Variants in ADO observed in about 807,000 individuals in gnomAD.
ADO encodes the protein 2-aminoethanethiol (cysteamine) dioxygenase.
A neutral mutation model predicts 16.6 loss-of-function variants in ADO; 9 were observed. The observed-to-expected ratio is 0.54, with a 90% CI of 0.33 to 0.95. The LOEUF (loss-of-function observed/expected upper bound fraction) is 0.95. Ranked by LOEUF, ADO falls within the 40% of genes least tolerant of loss-of-function variation. The probability of loss-of-function intolerance (pLI) is 0.03; values close to 1 mark genes in which losing one functional copy is unlikely to be tolerated. For synonymous variants in ADO, 189 were observed against 179.6 expected, an observed-to-expected ratio of 1.05 and a Z score of -0.42; for missense variants, 356 against 386.4, an observed-to-expected ratio of 0.92 and a Z score of 0.66.
rs1199083187 is a variant in ADO at position 62,805,887 on chromosome 10, A to G, written c.*15A>G. The G allele has an allele frequency of 6.8e-7, 1 of 1,475,240 alleles. No individual in the cohort carries two copies. The highest frequency in any genetic ancestry group is 1.4e-5 in the South Asian group (1 of 73,158). 91.4% of individuals were successfully genotyped at this position (1,475,240 alleles called of 1,614,324 possible). On this transcript the variant is annotated 3_prime_UTR_variant, in exon 1 of 1. Coordinates refer to ENST00000373783, the MANE Select transcript of ADO (RefSeq NM_032804.6). This position sits in a 1 kb window ranked among gnomAD's most constrained non-coding sequence, Gnocchi z 6.4. ...TCTTCCCTTGAAGCCACTGGCGCCC[A>G]GGAGCGGTGGGCCGAAGACGTGCCC... is the stretch of plus-strand genomic sequence containing the variant.
At position 62,806,843 on chromosome 10, in the gene ADO, A is replaced by G. The variant is rs1316890887; in HGVS notation, c.*971A>G. Reference sequence around the variant, plus strand: ...CATTCCCTATATTTATTTACTTCCAATATTTTACTGTAAAAGTAGGGAGAA... The same window carrying G: ...CATTCCCTATATTTATTTACTTCCAGTATTTTACTGTAAAAGTAGGGAGAA... On this transcript the variant is annotated 3_prime_UTR_variant, in exon 1 of 1. Transcript: ENST00000373783. The G allele has an allele frequency of 2.4e-5, 4 of 167,170 alleles. No homozygotes were observed. The highest frequency in any genetic ancestry group is 4.4e-5 in the Non-Finnish European group (3 of 68,108). 10.4% of individuals were successfully genotyped at this position (167,170 alleles called of 1,614,324 possible). A position where few individuals can be genotyped will look rare whatever the true frequency, so the allele number is the denominator to read the frequency against.
At position 62,805,326 on chromosome 10, in the gene ADO, C is replaced by T. The variant is rs753546467; in HGVS notation, c.267C>T (p.His89=). ...PPNLPPVTYM[H]IYETDGFSLG... Reference sequence around the variant, plus strand: ...ACCTGCCGCCAGTCACCTACATGCACATCTACGAGACGGACGGCTTCAGCC... The same window carrying T: ...ACCTGCCGCCAGTCACCTACATGCATATCTACGAGACGGACGGCTTCAGCC... Residue 89 remains histidine, a synonymous_variant, in exon 1 of 1, where the codon CAC becomes CAT. Transcript: ENST00000373783. The surrounding 1 kb of genome is among the most constrained non-coding windows in gnomAD (Gnocchi z 6.4). 2 of 1,604,144 alleles carry T rather than the reference C, an allele frequency of 1.2e-6. No homozygotes were observed. Among genetic ancestry groups the T allele is most frequent in the Non-Finnish European group, 1.7e-6 (2 of 1,179,122 alleles).
At position 62,807,908 on chromosome 10, in the gene ADO, AT is replaced by A. The variant is rs575265000; in HGVS notation, c.*2038del. ...GCAAAAAGTTGATTAGCTTACCAAG[AT>A]TATTAATAGCAATGTATGTGTTATA... On this transcript the variant is annotated 3_prime_UTR_variant, in exon 1 of 1. Transcript: ENST00000373783. The A allele has an allele frequency of 7.8e-4, 131 of 167,308 alleles. 1 individual carries two copies. The highest frequency in any genetic ancestry group is 3.1e-3 in the African/African-American group (127 of 41,582). 10.4% of individuals were successfully genotyped at this position (167,308 alleles called of 1,614,324 possible). A position where few individuals can be genotyped will look rare whatever the true frequency, so the allele number is the denominator to read the frequency against.
chr10:62,806,551 A>G lies in ADO; in HGVS notation c.*679A>G, dbSNP rs1483443640. 6.0e-6 allele frequency: 1 copy of G among 167,258 alleles called. No individual in the cohort carries two copies. The highest frequency in any genetic ancestry group is 1.9e-4 in the East Asian group (1 of 5,340). 10.4% of individuals were successfully genotyped at this position (167,258 alleles called of 1,614,324 possible). ...TTTACTCAGGCAGCATCTACTAAGA[A>G]ATTCAGCACCTGCATATCTCTGTGA... On this transcript the variant is annotated 3_prime_UTR_variant, in exon 1 of 1. Transcript: ENST00000373783.
chr10:62,804,936 G>C lies in ADO; in HGVS notation c.-124G>C, dbSNP rs1339590916. The C allele has an allele frequency of 1.1e-6, 1 of 921,788 alleles. No individual in the cohort carries two copies. The highest frequency in any genetic ancestry group is 1.4e-6 in the Non-Finnish European group (1 of 706,330). The allele number at this position is 921,788 out of a possible 1,614,324, so 57.1% of individuals were successfully genotyped here. A position where few individuals can be genotyped will look rare whatever the true frequency, so the allele number is the denominator to read the frequency against. ...TTGGCGGCGGTGCCGCGCGCCCGAC[G>C]GGCCGGTGGTTGCGGGGCCTCCCGC... On this transcript the variant is annotated 5_prime_UTR_variant, in exon 1 of 1. Coordinates refer to ENST00000373783, the MANE Select transcript of ADO (RefSeq NM_032804.6).
In ADO at chr10:62,807,851, A is replaced by G. The variant is rs1183099603; in HGVS notation, c.*1979A>G. ...CCATAGCACAGTAATGAATGTGGTT[A>G]TCAATCACATACTTTTTTGGATTAT... On this transcript the variant is annotated 3_prime_UTR_variant, in exon 1 of 1. Transcript: ENST00000373783. 6.0e-6 allele frequency: 1 copy of G among 167,326 alleles called. No homozygotes were observed. Among genetic ancestry groups the G allele is most frequent in the South Asian group, 2.1e-4 (1 of 4,828 alleles). The allele number at this position is 167,326 out of a possible 1,614,324, so 10.4% of individuals were successfully genotyped here.
In ADO at chr10:62,805,423, A is replaced by C. The variant is rs1201369022; in HGVS notation, c.364A>C (p.Lys122Gln). The C allele has an allele frequency of 1.3e-6, 2 of 1,573,182 alleles. No homozygotes were observed. The highest frequency in any genetic ancestry group is 1.1e-5 in the South Asian group (1 of 87,206). ...HDHPGMHGML[K>Q]VLYGTVRISC... ...CCACCCGGGCATGCACGGCATGCTCAAGGTGCTGTACGGCACCGTGCGCAT... is the reference window on the plus strand; with the variant it reads ...CCACCCGGGCATGCACGGCATGCTCCAGGTGCTGTACGGCACCGTGCGCAT... Residue 122 changes from lysine to glutamine, a missense_variant, in exon 1 of 1, where the codon AAG (lysine) becomes CAG (glutamine). By Grantham distance (53) the Lys-to-Gln change is moderately conservative. Coordinates refer to ENST00000373783, the MANE Select transcript of ADO (RefSeq NM_032804.6). The surrounding 1 kb of genome is among the most constrained non-coding windows in gnomAD (Gnocchi z 6.4).
rs1053130117 is a variant in ADO at position 62,804,929 on chromosome 10, G to A, written c.-131G>A. The A allele has an allele frequency of 4.7e-6, 4 of 853,640 alleles. No individual in the cohort carries two copies. The highest frequency in any genetic ancestry group is 1.5e-6 in the Non-Finnish European group (1 of 646,174). 52.9% of individuals were successfully genotyped at this position (853,640 alleles called of 1,614,324 possible). ...GCTGAGGTTGGCGGCGGTGCCGCGCGCCCGACGGGCCGGTGGTTGCGGGGC... is the reference window on the plus strand; with the variant it reads ...GCTGAGGTTGGCGGCGGTGCCGCGCACCCGACGGGCCGGTGGTTGCGGGGC... On this transcript the variant is annotated 5_prime_UTR_variant, in exon 1 of 1. Coordinates refer to ENST00000373783, the MANE Select transcript of ADO (RefSeq NM_032804.6).
Position 62,804,815 on chromosome 10 carries a change from C to G in ADO, c.-245C>G, listed in dbSNP as rs1388354379. 3.7e-6 allele frequency: 1 copy of G among 272,556 alleles called. No individual in the cohort carries two copies. The highest frequency in any genetic ancestry group is 6.8e-6 in the Non-Finnish European group (1 of 148,148). The allele number at this position is 272,556 out of a possible 1,614,324, so 16.9% of individuals were successfully genotyped here. ...CGTCTGCGCGGCCGCTATCTGCTCC[C>G]GGAGCGTGAGTGCGGGGTGTGGGGC... On this transcript the variant is annotated 5_prime_UTR_variant, in exon 1 of 1. Transcript: ENST00000373783.
rs771278566 is a variant in ADO at position 62,805,124 on chromosome 10, G to T, written c.65G>T (p.Arg22Leu). The T allele has an allele frequency of 6.4e-7, 1 of 1,553,464 alleles. No individual in the cohort carries two copies. Among genetic ancestry groups the T allele is most frequent in the South Asian group, 1.2e-5 (1 of 82,656 alleles). The change falls in exon 1 of 1, where the codon CGG (arginine) becomes CTG (leucine). Residue 22 changes from arginine to leucine, a missense_variant. Transcript: ENST00000373783. This position sits in a 1 kb window ranked among gnomAD's most constrained non-coding sequence, Gnocchi z 6.4. ...RIARQACLTF[R>L]GSGGGRGASD... ...GCCCGCCAGGCTTGCCTCACCTTCC[G>T]GGGCAGCGGGGGCGGCCGCGGCGCT...
rs1842044516 is a variant in ADO at position 62,805,686 on chromosome 10, C to T, written c.627C>T (p.Ala209=). The change falls in exon 1 of 1, where the codon GCC becomes GCT. Residue 209 remains alanine (A), a synonymous_variant. Transcript: ENST00000373783. The surrounding 1 kb of genome is among the most constrained non-coding windows in gnomAD (Gnocchi z 6.4). ...CTGCCGCCTTCCTGGACATCCTGGCCCCGCCCTACGACCCGGACGATGGCC... is the reference window on the plus strand; with the variant it reads ...CTGCCGCCTTCCTGGACATCCTGGCTCCGCCCTACGACCCGGACGATGGCC... The part of the protein sequence containing the change: ...EGPAAFLDIL[A]PPYDPDDGRD... 1 of 1,611,034 alleles carries T rather than the reference C, an allele frequency of 6.2e-7. No individual in the cohort carries two copies. The highest frequency in any genetic ancestry group is 2.2e-5 in the East Asian group (1 of 44,774).
At position 62,805,010 on chromosome 10, in the gene ADO, G is replaced by A. The variant is rs761448815; in HGVS notation, c.-50G>A. ...GTGGCGGCCGCCGGGGACCGCAAGG[G>A]GCGGAGGAAAGGAGGGGGCCGGTCC... On this transcript the variant is annotated 5_prime_UTR_variant, in exon 1 of 1. Coordinates refer to ENST00000373783, the MANE Select transcript of ADO (RefSeq NM_032804.6). This position sits in a 1 kb window ranked among gnomAD's most constrained non-coding sequence, Gnocchi z 6.4. 3 of 1,385,680 alleles carry A rather than the reference G, an allele frequency of 2.2e-6. No homozygotes were observed. The highest frequency in any genetic ancestry group is 2.8e-6 in the Non-Finnish European group (3 of 1,069,158). 85.8% of individuals were successfully genotyped at this position (1,385,680 alleles called of 1,614,324 possible).
Position 62,804,957 on chromosome 10 carries a change from C to T in ADO, c.-103C>T. 3 of 1,152,100 alleles carry T rather than the reference C, an allele frequency of 2.6e-6. No individual in the cohort carries two copies. Among genetic ancestry groups the T allele is most frequent in the Non-Finnish European group, 3.3e-6 (3 of 902,516 alleles). The allele number at this position is 1,152,100 out of a possible 1,614,324, so 71.4% of individuals were successfully genotyped here. A position where few individuals can be genotyped will look rare whatever the true frequency, so the allele number is the denominator to read the frequency against. ...CGACGGGCCGGTGGTTGCGGGGCCTCCCGCCTCGACCCGGGCTGGGGGCAG... is the reference window on the plus strand; with the variant it reads ...CGACGGGCCGGTGGTTGCGGGGCCTTCCGCCTCGACCCGGGCTGGGGGCAG... On this transcript the variant is annotated 5_prime_UTR_variant, in exon 1 of 1. Transcript: ENST00000373783.
In ADO at chr10:62,805,763, C is replaced by G; in HGVS notation, c.704C>G (p.Ser235Cys). Residue 235 changes from serine to cysteine, a missense_variant, in exon 1 of 1, where the codon TCC (serine) becomes TGC (cysteine). Transcript: ENST00000373783. The surrounding 1 kb of genome is among the most constrained non-coding windows in gnomAD (Gnocchi z 6.4). ...VLEPVRPKEA[S>C]SSACDLPREV... ...GAGCCGGTCAGGCCCAAGGAGGCCT[C>G]CAGCTCGGCCTGTGACCTGCCTCGA... 6.2e-7 allele frequency: 1 copy of G among 1,604,836 alleles called. No individual in the cohort carries two copies.
In ADO at chr10:62,805,381, T is replaced by C; in HGVS notation, c.322T>C (p.Ser108Pro). The C allele has an allele frequency of 6.3e-7, 1 of 1,595,758 alleles. No individual in the cohort carries two copies. Among genetic ancestry groups the C allele is most frequent in the Non-Finnish European group, 8.5e-7 (1 of 1,174,640 alleles). Residue 108 changes from serine (S) to proline (P), a missense_variant, in exon 1 of 1, where the codon TCC becomes CCC. Physicochemically the swap from Ser to Pro is moderately conservative, Grantham distance 74 (BLOSUM62 -1). Coordinates refer to ENST00000373783, the MANE Select transcript of ADO (RefSeq NM_032804.6). The surrounding 1 kb of genome is among the most constrained non-coding windows in gnomAD (Gnocchi z 6.4). ...CGTGTTCCTGCTCAAGAGCGGCACG[T>C]CCATCCCGCTGCACGACCACCCGGG... Reference protein sequence around the residue: ...LGVFLLKSGTSIPLHDHPGMH... With the variant: ...LGVFLLKSGTPIPLHDHPGMH...
chr10:62,805,030 C>G lies in ADO; in HGVS notation c.-30C>G. The G allele has an allele frequency of 7.0e-7, 1 of 1,423,694 alleles. No homozygotes were observed. The highest frequency in any genetic ancestry group is 9.2e-7 in the Non-Finnish European group (1 of 1,090,388). 88.2% of individuals were successfully genotyped at this position (1,423,694 alleles called of 1,614,324 possible). A position where few individuals can be genotyped will look rare whatever the true frequency, so the allele number is the denominator to read the frequency against. ...CAAGGGGCGGAGGAAAGGAGGGGGC[C>G]GGTCCCGGCACGCAGAGGAGCAGCC... On this transcript the variant is annotated 5_prime_UTR_variant, in exon 1 of 1. Transcript: ENST00000373783. The surrounding 1 kb of genome is among the most constrained non-coding windows in gnomAD (Gnocchi z 6.4).
chr10:62,805,356 C>G lies in ADO; in HGVS notation c.297C>G (p.Gly99=). The G allele has an allele frequency of 2.5e-6, 4 of 1,601,672 alleles. No individual in the cohort carries two copies. ...ACGAGACGGACGGCTTCAGCCTGGGCGTGTTCCTGCTCAAGAGCGGCACGT... is the reference window on the plus strand; with the variant it reads ...ACGAGACGGACGGCTTCAGCCTGGGGGTGTTCCTGCTCAAGAGCGGCACGT... ...HIYETDGFSL[G]VFLLKSGTSI... Residue 99 remains glycine (G), a synonymous_variant, in exon 1 of 1, where the codon GGC becomes GGG. Coordinates refer to ENST00000373783, the MANE Select transcript of ADO (RefSeq NM_032804.6). The surrounding 1 kb of genome is among the most constrained non-coding windows in gnomAD (Gnocchi z 6.4).
rs1842070781 is a variant in ADO, at chr10:62,808,097, T to G, written c.*2225T>G. 1 of 167,230 alleles carries G rather than the reference T, an allele frequency of 6.0e-6. No individual in the cohort carries two copies. The highest frequency in any genetic ancestry group is 2.1e-4 in the South Asian group (1 of 4,834). The allele number at this position is 167,230 out of a possible 1,614,324, so 10.4% of individuals were successfully genotyped here. ...GTGCTTTTCAAAAGAGTAACTGAAA[T>G]TGTTGCAGGCCAAAACAGCAATATG... is the stretch of plus-strand genomic sequence containing the variant. On this transcript the variant is annotated 3_prime_UTR_variant, in exon 1 of 1. Coordinates refer to ENST00000373783, the MANE Select transcript of ADO (RefSeq NM_032804.6).
At position 62,805,243 on chromosome 10, in the gene ADO, C is replaced by G. The variant is rs146642029; in HGVS notation, c.184C>G (p.Arg62Gly). 2 of 1,603,686 alleles carry G rather than the reference C, an allele frequency of 1.2e-6. No homozygotes were observed. ...GCTGAAGAGCCTCCTGACCCAGCTC[C>G]GCGCCGAGGACTTGAACATCGCCCC... ...SKLKSLLTQL[R>G]AEDLNIAPRK... The change falls in exon 1 of 1, where the codon CGC becomes GGC. Residue 62 changes from arginine (R) to glycine (G), a missense_variant. Coordinates refer to ENST00000373783, the MANE Select transcript of ADO (RefSeq NM_032804.6). This position sits in a 1 kb window ranked among gnomAD's most constrained non-coding sequence, Gnocchi z 6.4.
Sources: allele counts gnomAD v4.1 joint callset, GRCh38; gene constraint gnomAD v4.1.1; non-coding constraint Gnocchi (gnomAD v3.1); transcripts MANE v1.5; gene names NCBI Gene and HGNC (gene_info 2026-07-23, HGNC 2026-07-21).